LAMB4: variants seen among roughly 807,000 people sequenced by gnomAD.
The protein encoded by LAMB4 is laminin subunit beta 4.
LAMB4 carries 196 observed loss-of-function variants against 199.2 expected under a neutral mutation model. That is an observed-to-expected ratio of 0.98 (90% CI 0.88 to 1.11). The LOEUF (loss-of-function observed/expected upper bound fraction) is 1.11, where lower values mean the gene tolerates loss of function less well. Among genes scored for constraint, LAMB4 ranks in the 50% least tolerant of loss-of-function variants. LAMB4 has a pLI of 0.00. For missense variants in LAMB4, 2,080 were observed against 2,171.2 expected (o/e 0.96, Z 0.83); for synonymous variants, 744 against 770.6 (o/e 0.97, Z 0.57).
the LAMB4 span, among the ~76,000 whole-genome samples, chr7:108,015,812 G>A: frequency 7.2e-6 from 1 of 139,544 alleles, no homozygotes; most frequent in South Asian, 2.3e-4. Context: ...GTGTTTAATA[G>A]CTACAACTGT....
chr7:108,101,715 A>G (rs1020364747), intron 10 of LAMB4, among the ~76,000 whole-genome samples: 9 of 152,258 alleles, frequency 5.9e-5, no homozygotes, highest in Non-Finnish European at 1.0e-4. Context: ...GCTGGGGTGC[A>G]ACATTTAAGG....
chr7:108,124,347 T>C (rs1477514441), intron 1 of LAMB4, among the ~76,000 whole-genome samples: 1 of 152,224 alleles, frequency 6.6e-6, no homozygotes, highest in Non-Finnish European at 1.5e-5. Context: ...TTATAAATAT[T>C]TCTGCTAAAT....
At chr7:108,115,400 T>C (rs937809196) in intron 3 of LAMB4, among the ~76,000 whole-genome samples, 4 of 152,172 alleles carry the variant, frequency 2.6e-5, no homozygotes, top group Non-Finnish European at 5.9e-5. Context: ...GTAGGCCCAG[T>C]GGCTTAGCCT....
At chr7:108,091,098 C>CT (rs34553199) in intron 14 of LAMB4, among the ~76,000 whole-genome samples, 67,664 of 149,330 alleles carry the variant, frequency 0.45, 15,368 homozygotes, top group East Asian at 0.61. Flanking sequence ...CTCGAATTAC[C>CT]TTTTTTTTTT....
At chr7:108,081,298 C>G (rs2036928867) in intron 14 of LAMB4, among the ~76,000 whole-genome samples, 1 of 152,100 alleles carries the variant, frequency 6.6e-6, no homozygotes, top group Middle Eastern at 3.2e-3. Context: ...AACCAGCCAA[C>G]ACAGCCTCTG....
At chr7:108,017,167 C>T in the LAMB4 span, among the ~76,000 whole-genome samples, 4 of 152,128 alleles carry the variant, frequency 2.6e-5, no homozygotes, top group African/African-American at 4.8e-5. Flanking sequence ...ACTGAAAGCT[C>T]GTTCAGCTGG....
intron 14 of LAMB4, among the ~76,000 whole-genome samples, chr7:108,080,894 C>T (rs913295494): frequency 2.0e-5 from 3 of 151,522 alleles, no homozygotes; most frequent in African/African-American, 7.3e-5. Context: ...GAGGCCAAGG[C>T]GGGTGGATCA....
chr7:108,111,771 AT>A, intron 4 of LAMB4, 39 bp downstream of exon 4: 1 of 1,560,478 alleles, frequency 6.4e-7, no homozygotes, highest in Non-Finnish European at 8.8e-7. Context: ...ATATTAAAAT[AT>A]TGAAGAAATA....
intron 26 of LAMB4, among the ~76,000 whole-genome samples, chr7:108,051,614 G>A (rs1191479903): frequency 6.6e-6 from 1 of 152,136 alleles, no homozygotes; most frequent in East Asian, 1.9e-4. Flanking sequence ...TATGCAATAT[G>A]AGTTAAGGGT....
intron 3 of LAMB4, among the ~76,000 whole-genome samples, chr7:108,113,492 A>C (rs372220500): frequency 2.6e-5 from 4 of 152,242 alleles, no homozygotes; most frequent in African/African-American, 7.2e-5. Context: ...TTGTTGAAGA[A>C]AGCCAAAATG....
intron 12 of LAMB4, among the ~76,000 whole-genome samples, chr7:108,093,076 A>AT (rs2037471570): frequency 6.6e-6 from 1 of 152,030 alleles, no homozygotes. Flanking sequence ...AACTGCCTGT[A>AT]TTTTTCCCAC....
In LAMB4 at chr7:108,103,152, C is replaced by T. The variant is rs2150646933; in HGVS notation, c.1072G>A (p.Val358Met). 5 of 1,610,968 alleles carry T rather than the reference C, an allele frequency of 3.1e-6. No individual in the cohort carries two copies. The highest frequency in any genetic ancestry group is 2.5e-6 in the Non-Finnish European group (3 of 1,178,672). ...GTGTTGTGCTGGCAGTCTTCACACA[C>T]GCCCCCGCTGAGGCCACCGCTTGCC... ...YLASGGLSGG[V>M]CEDCQHNTEG... The change falls in exon 10 of 34, where the codon GTG becomes ATG. Residue 358 changes from valine (V) to methionine (M), a missense_variant. By Grantham distance (21) the Val-to-Met change is conservative. Transcript: ENST00000388781.
chr7:108,033,713 G>A (rs1319790477), intron 31 of LAMB4, among the ~76,000 whole-genome samples: 2 of 149,622 alleles, frequency 1.3e-5, no homozygotes, highest in Non-Finnish European at 3.0e-5. Context: ...CTGGCCAGAT[G>A]GAGCATTTCT....
At chr7:108,095,435 A>C (rs1176055285) in intron 11 of LAMB4, 98 bp from the exon 12 acceptor site, 1 of 849,764 alleles carries the variant, frequency 1.2e-6, no homozygotes, top group Non-Finnish European at 1.9e-6. Flanking sequence ...TAACCGCAAG[A>C]ACACAGAGAA....
intron 9 of LAMB4, 141 bp downstream of exon 9, chr7:108,104,358 A>T (rs1335912093): frequency 3.5e-6 from 3 of 853,468 alleles, no homozygotes; most frequent in East Asian, 5.5e-5. Flanking sequence ...AATTGGGAAC[A>T]CTGGGATATC....
intron 12 of LAMB4, among the ~76,000 whole-genome samples, chr7:108,093,148 C>T (rs1008185245): frequency 6.6e-6 from 1 of 152,168 alleles, no homozygotes; most frequent in Non-Finnish European, 1.5e-5. Flanking sequence ...TCTTGGCCAA[C>T]CTCCGCCTCC....
chr7:108,040,094 CT>C (rs2150503986), intron 29 of LAMB4, among the ~76,000 whole-genome samples: 1 of 152,278 alleles, frequency 6.6e-6, no homozygotes, highest in African/African-American at 2.4e-5. Flanking sequence ...ACAAAAATCA[CT>C]AGCATTCCTA....
At chr7:108,110,604 A>G (rs775260258) in intron 4 of LAMB4, among the ~76,000 whole-genome samples, 13 of 152,140 alleles carry the variant, frequency 8.5e-5, no homozygotes, top group Admixed American at 4.6e-4. Context: ...TAGGAAAGAG[A>G]TCTGTCCCTC....
intron 1 of LAMB4, among the ~76,000 whole-genome samples, chr7:108,126,644 A>T (rs2150707688): frequency 7.5e-6 from 1 of 132,832 alleles, no homozygotes; most frequent in East Asian, 2.3e-4. Flanking sequence ...GGCTCACTGC[A>T]AGCTCCGCTT....
Sources: allele counts gnomAD v4.1 joint callset (sites outside exome capture counted in the v4.1 genomes callset), GRCh38; gene constraint gnomAD v4.1.1; transcripts MANE v1.5; gene names NCBI Gene and HGNC (gene_info 2026-07-23, HGNC 2026-07-21).